The following AFG2A variants were observed in gnomAD, a reference collection of about 807,000 sequenced individuals.
AFG2A encodes the protein AAA ATPase AFG2A.
the AFG2A span, among the ~76,000 whole-genome samples, chr4:122,959,072 TTTGCATTTCTAACAAGC>T: frequency 6.6e-5 from 10 of 152,282 alleles, no homozygotes; most frequent in South Asian, 1.9e-3. Context: ...GGGCCCCAGA[TTTGCATTTCTAACAAGC>T]TTGCAGGTAT....
the AFG2A span, among the ~76,000 whole-genome samples, chr4:123,202,724 C>T: frequency 1.3e-5 from 2 of 152,172 alleles, no homozygotes; most frequent in Non-Finnish European, 2.9e-5. Flanking sequence ...ATCACTACTA[C>T]AATCAAGGTA....
the AFG2A span, among the ~76,000 whole-genome samples, chr4:122,972,370 T>C: frequency 1.5e-3 from 228 of 152,180 alleles, 1 homozygote; most frequent in African/African-American, 5.3e-3. Context: ...ATTCCTAGTA[T>C]TGGAAATGTG....
chr4:123,027,206 T>C, the AFG2A span, among the ~76,000 whole-genome samples: 1 of 152,136 alleles, frequency 6.6e-6, no homozygotes, highest in Admixed American at 6.5e-5. Context: ...TTTCAGACCA[T>C]ATTGCTTTCT....
the AFG2A span, among the ~76,000 whole-genome samples, chr4:123,224,392 GATGTTCCCCTTCCTGTGTCC>G: frequency 2.0e-5 from 3 of 151,484 alleles, no homozygotes; most frequent in African/African-American, 7.3e-5. Context: ...CCCGGTGTGT[GATGTTCCCCTTCCTGTGTCC>G]ATGTGTTCTT....
chr4:122,947,475 G>A, the AFG2A span: 1 of 1,611,590 alleles, frequency 6.2e-7, no homozygotes, highest in Non-Finnish European at 8.5e-7. Context: ...TGAAAGTCTT[G>A]TGTAATGAAG....
chr4:123,290,412 A>G, the AFG2A span, among the ~76,000 whole-genome samples: 2 of 152,140 alleles, frequency 1.3e-5, no homozygotes, highest in Admixed American at 6.5e-5. Context: ...TCTCCTGTGT[A>G]TGGCAATACA....
At chr4:123,038,606 C>T in the AFG2A span, among the ~76,000 whole-genome samples, 6 of 152,034 alleles carry the variant, frequency 3.9e-5, no homozygotes, top group Non-Finnish European at 5.9e-5. Flanking sequence ...ATGCAACATA[C>T]GAGTTCAGCT....
At chr4:123,070,972 A>G in the AFG2A span, among the ~76,000 whole-genome samples, 2 of 152,206 alleles carry the variant, frequency 1.3e-5, no homozygotes, top group Non-Finnish European at 2.9e-5. Context: ...TGATATTAGG[A>G]AAATGGCACA....
At chr4:122,927,898 G>T in the AFG2A span, 2 of 1,209,578 alleles carry the variant, frequency 1.7e-6, no homozygotes, top group Non-Finnish European at 2.3e-6. Context: ...TCAGATTTGG[G>T]ATGCTTAGCC....
chr4:123,037,054 G>A, the AFG2A span, among the ~76,000 whole-genome samples: 3 of 151,974 alleles, frequency 2.0e-5, no homozygotes, highest in Non-Finnish European at 4.4e-5. Flanking sequence ...TTAGGTTAAC[G>A]TGCCTTCCCC....
the AFG2A span, among the ~76,000 whole-genome samples, chr4:123,174,890 G>C: frequency 6.6e-6 from 1 of 151,856 alleles, no homozygotes; most frequent in Non-Finnish European, 1.5e-5. Flanking sequence ...GAGTGCAGTG[G>C]CACGATCACG....
At chr4:123,020,273 C>T in the AFG2A span, among the ~76,000 whole-genome samples, 1 of 151,764 alleles carries the variant, frequency 6.6e-6, no homozygotes. Context: ...AGAAAATTTT[C>T]GTAATACCAA....
At chr4:123,269,856 C>T in the AFG2A span, among the ~76,000 whole-genome samples, 14 of 152,304 alleles carry the variant, frequency 9.2e-5, no homozygotes, top group Non-Finnish European at 1.3e-4. Flanking sequence ...CTCGCTCTGT[C>T]GCCAAGCTGG....
chr4:123,269,779 C>T, the AFG2A span, among the ~76,000 whole-genome samples: 1 of 152,090 alleles, frequency 6.6e-6, no homozygotes, highest in Non-Finnish European at 1.5e-5. Flanking sequence ...TTTCTTTTTC[C>T]GATGTCACCT....
chr4:123,080,151 G>T, the AFG2A span, among the ~76,000 whole-genome samples: 1 of 152,294 alleles, frequency 6.6e-6, no homozygotes, highest in South Asian at 2.1e-4. Context: ...CCCCGAATGT[G>T]ATGGTATTTA....
At chr4:123,109,480 G>C in the AFG2A span, among the ~76,000 whole-genome samples, 3 of 152,062 alleles carry the variant, frequency 2.0e-5, no homozygotes, top group Admixed American at 6.5e-5. Flanking sequence ...ATTATAATAT[G>C]GCTTATAGAA....
the AFG2A span, chr4:123,256,321 A>G: frequency 3.3e-6 from 3 of 905,254 alleles, no homozygotes; most frequent in South Asian, 5.9e-5. Flanking sequence ...TACATGACAT[A>G]GTCACTAAGT....
the AFG2A span, among the ~76,000 whole-genome samples, chr4:123,255,725 T>C: frequency 0.013 from 1,895 of 141,880 alleles, 39 homozygotes; most frequent in African/African-American, 0.048. Context: ...CTATTTTTTT[T>C]TTTTTTTTTT....
At chr4:123,204,263 T>C in the AFG2A span, among the ~76,000 whole-genome samples, 2 of 152,224 alleles carry the variant, frequency 1.3e-5, no homozygotes, top group South Asian at 2.1e-4. Context: ...TTCTGCCTAC[T>C]GCATATGATA....
Sources: allele counts gnomAD v4.1 joint callset (sites outside exome capture counted in the v4.1 genomes callset), GRCh38; gene constraint gnomAD v4.1.1; transcripts MANE v1.5; gene names NCBI Gene and HGNC (gene_info 2026-07-23, HGNC 2026-07-21).